The following EIPR1 variants were observed in gnomAD, a reference collection of about 807,000 sequenced individuals.
EIPR1 encodes the protein EARP complex and GARP complex interacting protein 1.
In EIPR1, 25 loss-of-function variants were observed where a neutral mutation model predicts 48.1. The observed-to-expected ratio is 0.52, with a 90% CI of 0.38 to 0.73. EIPR1 has a LOEUF of 0.73. Ranked by LOEUF, EIPR1 falls within the 30% of genes least tolerant of loss-of-function variation. The probability of loss-of-function intolerance (pLI) is 0.00; values close to 1 mark genes in which losing one functional copy is unlikely to be tolerated. For synonymous variants in EIPR1, 204 were observed against 201.9 expected, an observed-to-expected ratio of 1.01 and a Z score of -0.09; for missense variants, 415 against 506.2, an observed-to-expected ratio of 0.82 and a Z score of 1.73.
At chr2:3,327,606 A>C (rs1157724346) in intron 3 of EIPR1, among the ~76,000 whole-genome samples, 6 of 151,952 alleles carry the variant, frequency 3.9e-5, no homozygotes, top group Non-Finnish European at 8.8e-5. Flanking sequence ...ACAGTTGCTC[A>C]TTCTCTTTTT....
At chr2:3,276,505 T>C (rs968611515) in intron 3 of EIPR1, among the ~76,000 whole-genome samples, 9 of 152,236 alleles carry the variant, frequency 5.9e-5, no homozygotes, top group Admixed American at 5.2e-4. Flanking sequence ...CCAGCCACCA[T>C]GTTCTTTCCT....
chr2:3,324,895 C>T (rs1391898334), intron 3 of EIPR1, among the ~76,000 whole-genome samples: 1 of 152,214 alleles, frequency 6.6e-6, no homozygotes, highest in Non-Finnish European at 1.5e-5. Context: ...GTTTTAGGGC[C>T]TCACGCCTCA....
At chr2:3,342,131 C>T (rs1266453752) in intron 2 of EIPR1, among the ~76,000 whole-genome samples, 2 of 151,672 alleles carry the variant, frequency 1.3e-5, no homozygotes, top group East Asian at 3.9e-4. Flanking sequence ...TGAAATCTGC[C>T]CCAAAGAATA....
At chr2:3,349,434 C>T (rs900158547) in intron 2 of EIPR1, among the ~76,000 whole-genome samples, 1 of 152,240 alleles carries the variant, frequency 6.6e-6, no homozygotes, top group African/African-American at 2.4e-5. Flanking sequence ...GTGCCAGCAC[C>T]GCCCACACAG....
chr2:3,235,945 C>T (rs1454852298), intron 4 of EIPR1, among the ~76,000 whole-genome samples: 1 of 152,124 alleles, frequency 6.6e-6, no homozygotes, highest in African/African-American at 2.4e-5. Context: ...GTGAGACCCT[C>T]GGAGCAGGAC....
At chr2:3,214,434 T>A in intron 4 of EIPR1, 186 bp from the exon 5 acceptor site, 2 of 512,476 alleles carry the variant, frequency 3.9e-6, no homozygotes, top group South Asian at 5.0e-5. Context: ...TGTTATGGAC[T>A]GAATTGTGCC....
At chr2:3,247,201 C>A (rs747426009) in intron 4 of EIPR1, among the ~76,000 whole-genome samples, 23 of 152,094 alleles carry the variant, frequency 1.5e-4, no homozygotes, top group Non-Finnish European at 1.8e-4. Flanking sequence ...TTTTCATCAT[C>A]CAAGAAACAA....
chr2:3,322,753 A>C (rs1669573510), intron 3 of EIPR1, among the ~76,000 whole-genome samples: 1 of 152,192 alleles, frequency 6.6e-6, no homozygotes, highest in Admixed American at 6.5e-5. Flanking sequence ...CGGAATCCCA[A>C]ATCCGCCCTT....
chr2:3,318,399 A>G (rs7563810), intron 3 of EIPR1, among the ~76,000 whole-genome samples: 31,469 of 152,134 alleles, frequency 0.21, 5,149 homozygotes, highest in East Asian at 0.6. Flanking sequence ...CTTATTTCAC[A>G]TCTTCATTAG....
rs1467207578 is a variant in EIPR1 at position 3,299,622 on chromosome 2, TCTCACA to T, written c.259+38389_259+38394del. 2.8e-4 allele frequency among the ~76,000 whole-genome samples: 40 copies of T among 141,146 alleles called. No homozygotes were observed. In the East Asian group the frequency reaches 4.4e-3, roughly 15 times the overall value. 92.6% of individuals were successfully genotyped at this position (141,146 alleles called of 152,430 possible). A position where few individuals can be genotyped will look rare whatever the true frequency, so the allele number is the denominator to read the frequency against. On this transcript the variant is annotated intron_variant, in intron 3 of 8. Transcript: ENST00000382125. ...AATATTTTCTCTCTCTCTCTCTCTCTCTCACACACACACACACACACACACACACAC... is the reference window on the plus strand; with the variant it reads ...AATATTTTCTCTCTCTCTCTCTCTCTCACACACACACACACACACACACAC...
chr2:3,240,755 TAGATCCCTCCTAAAGCAAAGCCAGC>T (rs1666588976), intron 4 of EIPR1, among the ~76,000 whole-genome samples: 5 of 40,504 alleles, frequency 1.2e-4, no homozygotes, highest in African/African-American at 9.5e-5. Context: ...GCAAAGCCAG[TAGATCCCTCCTAAAGCAAAGCCAGC>T]AGATCCCTCC....
intron 4 of EIPR1, among the ~76,000 whole-genome samples, chr2:3,252,683 G>C (rs1667036782): frequency 6.6e-6 from 1 of 152,176 alleles, no homozygotes; most frequent in Admixed American, 6.5e-5. Context: ...GGGTTAACCA[G>C]GCGAGGCTGA....
chr2:3,321,066 A>C (rs776171383), intron 3 of EIPR1, among the ~76,000 whole-genome samples: 2 of 152,202 alleles, frequency 1.3e-5, no homozygotes, highest in Non-Finnish European at 2.9e-5. Flanking sequence ...ACAGGGCAGG[A>C]GGCTCCACCT....
intron 4 of EIPR1, among the ~76,000 whole-genome samples, chr2:3,215,621 T>A (rs1665606753): frequency 6.6e-6 from 1 of 152,236 alleles, no homozygotes; most frequent in Admixed American, 6.5e-5. Context: ...TGCTTATTTA[T>A]AAAGAAAGGA....
intron 1 of EIPR1, among the ~76,000 whole-genome samples, chr2:3,374,031 A>G (rs1379356713): frequency 2.1e-5 from 3 of 142,654 alleles, no homozygotes; most frequent in Non-Finnish European, 4.7e-5. Flanking sequence ...CAAAACAGAG[A>G]TACAGATCAA....
chr2:3,352,234 GTCTGTTCCCGACACCTTTGATCAGCA>G (rs558012203), intron 2 of EIPR1, among the ~76,000 whole-genome samples: 31 of 143,402 alleles, frequency 2.2e-4, no homozygotes, highest in African/African-American at 6.9e-4. Flanking sequence ...CATCCATACT[GTCTGTTCCCGACACCTTTGATCAGCA>G]TATCCATGCT....
At chr2:3,311,758 G>A (rs2103309856) in intron 3 of EIPR1, among the ~76,000 whole-genome samples, 1 of 149,868 alleles carries the variant, frequency 6.7e-6, no homozygotes, top group African/African-American at 2.5e-5. Context: ...GGTGCAGGGG[G>A]CTCCACTCGC....
At chr2:3,376,246 G>C (rs917353281) in intron 1 of EIPR1, among the ~76,000 whole-genome samples, 2 of 152,094 alleles carry the variant, frequency 1.3e-5, no homozygotes, top group East Asian at 3.8e-4. Context: ...GCCATGAGGT[G>C]GGGGGGAGGG....
chr2:3,322,781 T>C (rs1449715038), intron 3 of EIPR1, among the ~76,000 whole-genome samples: 1 of 152,178 alleles, frequency 6.6e-6, no homozygotes, highest in Non-Finnish European at 1.5e-5. Context: ...GCAGGTGGCC[T>C]TGAGAAAGTC....
Sources: allele counts gnomAD v4.1 joint callset (sites outside exome capture counted in the v4.1 genomes callset), GRCh38; gene constraint gnomAD v4.1.1; transcripts MANE v1.5; gene names NCBI Gene and HGNC (gene_info 2026-07-23, HGNC 2026-07-21).